Variants in HDAC4 observed in about 807,000 individuals in gnomAD.
HDAC4 encodes histone deacetylase A.
HDAC4 carries 16 observed loss-of-function variants against 135.1 expected under a neutral mutation model. That is an observed-to-expected ratio of 0.12 (90% confidence interval 0.08 to 0.18). The LOEUF (loss-of-function observed/expected upper bound fraction) is 0.18, where lower values mean the gene tolerates loss of function less well. Among genes scored for constraint, HDAC4 ranks in the 10% least tolerant of loss-of-function variants. The probability of loss-of-function intolerance (pLI) is 1.00; values close to 1 mark genes in which losing one functional copy is unlikely to be tolerated. For missense variants in HDAC4, 1,143 were observed against 1,511.8 expected (o/e 0.76, Z 4.05); for synonymous variants, 685 against 653.4 (o/e 1.05, Z -0.74).
At chr2:239,374,103 C>T (rs1414780050) in intron 1 of HDAC4, among the ~76,000 whole-genome samples, 6 of 152,190 alleles carry the variant, frequency 3.9e-5, no homozygotes, top group Non-Finnish European at 7.3e-5. Flanking sequence ...GATGCTATGG[C>T]GTCCGCAGAA....
chr2:239,355,092 C>G (rs1354322010), intron 1 of HDAC4, among the ~76,000 whole-genome samples: 2 of 152,150 alleles, frequency 1.3e-5, no homozygotes, highest in Non-Finnish European at 2.9e-5. Context: ...AATCTACTGG[C>G]ATTTTTTTCT....
chr2:239,354,587 T>C lies in HDAC4; in HGVS notation c.-219-1669A>G, dbSNP rs1279919799. Among the ~76,000 whole-genome samples, 22 of 142,344 alleles carry C rather than the reference T, an allele frequency of 1.5e-4. No individual in the cohort carries two copies. In the South Asian group the frequency reaches 3.3e-3, roughly 21 times the overall value. The allele number at this position is 142,344 out of a possible 152,430, so 93.4% of individuals were successfully genotyped here. ...ATTTTTTTTTTTTTTTTTTTTTTTTTTTTGCCAATTGCTTATAACCAAAGA... is the reference window on the plus strand; with the variant it reads ...ATTTTTTTTTTTTTTTTTTTTTTTTCTTTGCCAATTGCTTATAACCAAAGA... On this transcript the variant is annotated intron_variant, in intron 1 of 26. Transcript: ENST00000543185.
chr2:239,072,990 C>A (rs935981040), intron 22 of HDAC4, among the ~76,000 whole-genome samples: 1 of 152,302 alleles, frequency 6.6e-6, no homozygotes, highest in East Asian at 1.9e-4. Context: ...GCTGGGAGCA[C>A]GCGGTGCCTG....
intron 2 of HDAC4, among the ~76,000 whole-genome samples, chr2:239,237,272 C>A (rs2047938333): frequency 6.6e-6 from 1 of 152,030 alleles, no homozygotes; most frequent in Non-Finnish European, 1.5e-5. Context: ...AGACTGGAAC[C>A]CACCCACCAC....
intron 2 of HDAC4, among the ~76,000 whole-genome samples, chr2:239,343,293 A>G (rs755319053): frequency 2.0e-5 from 3 of 152,254 alleles, no homozygotes; most frequent in Non-Finnish European, 4.4e-5. Flanking sequence ...AGTGGCCACA[A>G]CGTGAAAGTT....
chr2:239,370,330 C>T (rs1461858600), intron 1 of HDAC4, among the ~76,000 whole-genome samples: 3 of 152,152 alleles, frequency 2.0e-5, no homozygotes, highest in Admixed American at 6.5e-5. Context: ...AGACATGGCT[C>T]GGGGCTCTCC....
chr2:239,126,946 A>T (rs572743992), intron 11 of HDAC4, among the ~76,000 whole-genome samples: 7 of 152,182 alleles, frequency 4.6e-5, no homozygotes, highest in Admixed American at 1.3e-4. Flanking sequence ...TCGACACAGG[A>T]AACGTCAGGA....
intron 1 of HDAC4, among the ~76,000 whole-genome samples, chr2:239,398,036 T>A (rs1696681275): frequency 6.6e-6 from 1 of 151,930 alleles, no homozygotes; most frequent in African/African-American, 2.4e-5. Context: ...GCCCCAAGCT[T>A]AGGTGGAGAC....
At chr2:239,158,362 A>C (rs1290098120) in intron 6 of HDAC4, among the ~76,000 whole-genome samples, 1 of 152,198 alleles carries the variant, frequency 6.6e-6, no homozygotes, top group African/African-American at 2.4e-5. Context: ...CGAGTTAAAA[A>C]GATCAGTATT....
chr2:239,176,108 G>GCC (rs1381005265), intron 5 of HDAC4, among the ~76,000 whole-genome samples: 3 of 152,078 alleles, frequency 2.0e-5, no homozygotes, highest in African/African-American at 7.2e-5. Flanking sequence ...CCCGTGTGCT[G>GCC]CCCCAGTGCC....
intron 2 of HDAC4, among the ~76,000 whole-genome samples, chr2:239,247,192 C>G (rs1369235042): frequency 6.6e-6 from 1 of 152,236 alleles, no homozygotes; most frequent in East Asian, 1.9e-4. Context: ...CCGGGCAAAC[C>G]AAAAGGCCCA....
At chr2:239,096,696 CACCCA>C (rs1483875609) in intron 16 of HDAC4, among the ~76,000 whole-genome samples, 3 of 62,874 alleles carry the variant, frequency 4.8e-5, no homozygotes, top group African/African-American at 8.5e-5. Flanking sequence ...CCCCCACAGA[CACCCA>C]CCCCACCCCA....
intron 15 of HDAC4, among the ~76,000 whole-genome samples, chr2:239,103,180 A>G (rs2037814021): frequency 6.6e-6 from 1 of 152,250 alleles, no homozygotes; most frequent in Admixed American, 6.5e-5. Flanking sequence ...TGTCGCACGA[A>G]TGACTTGGCA....
chr2:239,184,069 TA>T (rs58952360), intron 4 of HDAC4, among the ~76,000 whole-genome samples: 2,449 of 71,348 alleles, frequency 0.034, 93 homozygotes, highest in African/African-American at 0.14. Context: ...CTTGCTAGTG[TA>T]AAAAAAAAAA....
intron 5 of HDAC4, among the ~76,000 whole-genome samples, chr2:239,169,437 C>T (rs537407090): frequency 6.6e-6 from 1 of 152,228 alleles, no homozygotes; most frequent in Non-Finnish European, 1.5e-5. Context: ...ACGGGGACCG[C>T]GTGCTATTGT....
rs572719139 is a variant in HDAC4 at position 239,146,973 on chromosome 2, G to A, written c.734-2259C>T. On this transcript the variant is annotated intron_variant, in intron 7 of 26. Transcript: ENST00000543185. This position sits in a 1 kb window ranked among gnomAD's most constrained non-coding sequence, Gnocchi z 4.5. ...CCTGCAGGGTGGCTGCAGCTGACCAGGAGGCTCCAGGACACCATGCCAGCA... is the reference window on the plus strand; with the variant it reads ...CCTGCAGGGTGGCTGCAGCTGACCAAGAGGCTCCAGGACACCATGCCAGCA... Among the ~76,000 whole-genome samples, 269 of 152,312 alleles carry A rather than the reference G, an allele frequency of 1.8e-3. 1 individual carries two copies. Among genetic ancestry groups the A allele is most frequent in the African/African-American group, 6.2e-3 (258 of 41,568 alleles).
chr2:239,287,307 G>T (rs2051194954), intron 2 of HDAC4, among the ~76,000 whole-genome samples: 1 of 152,144 alleles, frequency 6.6e-6, no homozygotes, highest in Non-Finnish European at 1.5e-5. Flanking sequence ...TGTTTTTAAT[G>T]ACCTTGACAG....
In HDAC4 at chr2:239,139,631, C is replaced by T. The variant is rs553021950; in HGVS notation, c.978+53G>A. 1.5e-4 allele frequency: 223 copies of T among 1,489,732 alleles called. 1 individual carries two copies. The East Asian group carries it at 4.2e-3, about 28-fold the overall frequency. The allele number at this position is 1,489,732 out of a possible 1,614,324, so 92.3% of individuals were successfully genotyped here. A position where few individuals can be genotyped will look rare whatever the true frequency, so the allele number is the denominator to read the frequency against. ...AAAGTGGGGTCATTTCAAGCTCATCCGTCCCGAGTCCGACTCTAGCCGTAG... is the reference window on the plus strand; with the variant it reads ...AAAGTGGGGTCATTTCAAGCTCATCTGTCCCGAGTCCGACTCTAGCCGTAG... On this transcript the variant is annotated intron_variant, in intron 9 of 26. Coordinates refer to ENST00000543185, the MANE Select transcript of HDAC4 (RefSeq NM_001378414.1). This position sits in a 1 kb window ranked among gnomAD's most constrained non-coding sequence, Gnocchi z 5.3.
chr2:239,085,041 G>GACAGACAGAC (rs1553609590), intron 19 of HDAC4, among the ~76,000 whole-genome samples: 25 of 138,784 alleles, frequency 1.8e-4, no homozygotes, highest in African/African-American at 6.7e-4. Flanking sequence ...GAGACAGACA[G>GACAGACAGAC]ACACACACAC....
Sources: allele counts gnomAD v4.1 joint callset (sites outside exome capture counted in the v4.1 genomes callset), GRCh38; gene constraint gnomAD v4.1.1; non-coding constraint Gnocchi (gnomAD v3.1); transcripts MANE v1.5; gene names NCBI Gene and HGNC (gene_info 2026-07-23, HGNC 2026-07-21).